Variants in CCDC178 observed in about 807,000 individuals in gnomAD.
CCDC178 encodes the protein coiled-coil domain-containing protein 178.
CCDC178 carries 126 observed loss-of-function variants against 117.4 expected under a neutral mutation model. That is an observed-to-expected ratio of 1.07 (90% CI 0.93 to 1.24). The LOEUF is 1.24. Among genes scored for constraint, CCDC178 ranks in the 50% most tolerant of loss-of-function variants. The pLI is 0.00. For missense variants in CCDC178, 1,030 were observed against 986.9 expected, an observed-to-expected ratio of 1.04 and a Z score of -0.59; for synonymous variants, 283 against 313.4, an observed-to-expected ratio of 0.90 and a Z score of 1.02.
intron 14 of CCDC178, among the ~76,000 whole-genome samples, chr18:33,249,449 G>A (rs1218282308): frequency 6.6e-6 from 1 of 152,038 alleles, no homozygotes; most frequent in African/African-American, 2.4e-5. Flanking sequence ...TTTGTATAAG[G>A]TGTAAGGAAG....
chr18:33,060,559 T>A (rs1567963360), intron 21 of CCDC178, among the ~76,000 whole-genome samples: 1 of 151,696 alleles, frequency 6.6e-6, no homozygotes, highest in Non-Finnish European at 1.5e-5. Context: ...TTTTTTTTAA[T>A]TTTTAGTTTC....
At chr18:33,325,874 A>T (rs1250513419) in intron 10 of CCDC178, among the ~76,000 whole-genome samples, 1 of 152,208 alleles carries the variant, frequency 6.6e-6, no homozygotes, top group Non-Finnish European at 1.5e-5. Context: ...GACAAGTTAA[A>T]GTGTACAATT....
At chr18:33,170,979 T>A (rs116009540) in intron 20 of CCDC178, among the ~76,000 whole-genome samples, 36 of 152,334 alleles carry the variant, frequency 2.4e-4, no homozygotes, top group African/African-American at 8.4e-4. Flanking sequence ...TGCTATAGGT[T>A]ACCTGGAGAA....
Position 33,404,865 on chromosome 18 carries a change from G to A in CCDC178, c.58+7166C>T, listed in dbSNP as rs1314008027. Reference sequence around the variant, plus strand: ...GTTGAAAAGGTGAAAGGCATGCAGAGCCAACTATTTTATAAAATCATTGAT... The same window carrying A: ...GTTGAAAAGGTGAAAGGCATGCAGAACCAACTATTTTATAAAATCATTGAT... On this transcript the variant is annotated intron_variant, in intron 3 of 22. Transcript: ENST00000383096. Among the ~76,000 whole-genome samples the A allele has an allele frequency of 3.3e-5, 5 of 151,474 alleles. No individual in the cohort carries two copies. In the East Asian group the frequency reaches 9.6e-4, roughly 29 times the overall value.
intron 2 of CCDC178, among the ~76,000 whole-genome samples, chr18:33,429,741 C>T (rs757624045): frequency 2.0e-5 from 3 of 152,076 alleles, no homozygotes; most frequent in African/African-American, 4.8e-5. Context: ...ATTCAGATAA[C>T]CATGTTGTAA....
intron 20 of CCDC178, among the ~76,000 whole-genome samples, chr18:33,184,018 A>T (rs1300290016): frequency 6.6e-6 from 1 of 152,054 alleles, no homozygotes; most frequent in Non-Finnish European, 1.5e-5. Flanking sequence ...GCCACCTATT[A>T]ATATGTCTAC....
chr18:33,049,024 C>T (rs12954696), intron 21 of CCDC178, among the ~76,000 whole-genome samples: 1,820 of 152,104 alleles, frequency 0.012, 13 homozygotes, highest in Non-Finnish European at 0.021. Context: ...ACACTGGGTT[C>T]TAATCAACTG....
At chr18:32,983,582 T>A (rs1370524652) in intron 21 of CCDC178, among the ~76,000 whole-genome samples, 1 of 152,056 alleles carries the variant, frequency 6.6e-6, no homozygotes, top group Non-Finnish European at 1.5e-5. Context: ...ATAAAGGCCA[T>A]CTGGAAAAAA....
chr18:33,394,079 G>A (rs1274959247), intron 4 of CCDC178, among the ~76,000 whole-genome samples: 2 of 151,576 alleles, frequency 1.3e-5, no homozygotes, highest in African/African-American at 4.8e-5. Context: ...TAGTTTAATT[G>A]GTAGATTTTT....
In CCDC178 at chr18:32,973,568, G is replaced by GCA. The variant is rs145104858; in HGVS notation, c.2523+977_2523+978dup. 1.0e-3 allele frequency among the ~76,000 whole-genome samples: 150 copies of GCA among 150,436 alleles called. 1 individual carries two copies. Among genetic ancestry groups the GCA allele is most frequent in the Admixed American group, 2.0e-3 (30 of 15,090 alleles). On this transcript the variant is annotated intron_variant, in intron 22 of 22. Transcript: ENST00000383096. ...ACTGTCAAAACAACCCATATATAAA[G>GCA]CACACACACACACACAATCCTCAGA... is the stretch of plus-strand genomic sequence containing the variant.
chr18:32,967,482 T>C (rs2054839132), intron 22 of CCDC178, among the ~76,000 whole-genome samples: 1 of 151,610 alleles, frequency 6.6e-6, no homozygotes, highest in Non-Finnish European at 1.5e-5. Flanking sequence ...CATTTTAAAA[T>C]TGAAATTCTT....
At chr18:32,974,498 T>C in intron 22 of CCDC178, 49 bp downstream of exon 22, 1 of 1,585,090 alleles carries the variant, frequency 6.3e-7, no homozygotes, top group Non-Finnish European at 8.6e-7. Flanking sequence ...ATCATTTGCT[T>C]TTCAATCTAG....
At chr18:33,423,274 T>C (rs553713176) in intron 2 of CCDC178, among the ~76,000 whole-genome samples, 2 of 152,330 alleles carry the variant, frequency 1.3e-5, no homozygotes, top group African/African-American at 4.8e-5. Context: ...AATCCAATGA[T>C]TTCAGTATAT....
chr18:33,374,924 T>C (rs377392728), intron 5 of CCDC178, among the ~76,000 whole-genome samples: 31 of 152,294 alleles, frequency 2.0e-4, no homozygotes, highest in Middle Eastern at 3.4e-3. Context: ...GTGGTAAAAC[T>C]AAAATCATAC....
At chr18:33,123,947 C>T (rs1471361026) in intron 20 of CCDC178, among the ~76,000 whole-genome samples, 1 of 152,080 alleles carries the variant, frequency 6.6e-6, no homozygotes, top group Admixed American at 6.6e-5. Context: ...CTCAACTGTA[C>T]CTGAAGAAAT....
At chr18:32,995,455 T>A (rs960798516) in intron 21 of CCDC178, among the ~76,000 whole-genome samples, 9 of 152,144 alleles carry the variant, frequency 5.9e-5, no homozygotes, top group Non-Finnish European at 1.3e-4. Context: ...AAATAGTATT[T>A]CACCAACTAA....
At chr18:33,286,223 C>T (rs1432821615) in intron 12 of CCDC178, among the ~76,000 whole-genome samples, 6 of 152,106 alleles carry the variant, frequency 3.9e-5, no homozygotes, top group African/African-American at 1.4e-4. Flanking sequence ...GATCCATCTT[C>T]CTTAGCCTCC....
At chr18:33,215,901 A>G (rs1030276299) in intron 18 of CCDC178, among the ~76,000 whole-genome samples, 1 of 151,950 alleles carries the variant, frequency 6.6e-6, no homozygotes, top group Non-Finnish European at 1.5e-5. Context: ...TTCAAGACCA[A>G]CCTGGACAAC....
intron 5 of CCDC178, among the ~76,000 whole-genome samples, chr18:33,380,908 A>T (rs2063432077): frequency 6.6e-6 from 1 of 152,222 alleles, no homozygotes; most frequent in African/African-American, 2.4e-5. Context: ...ATAGTCTTAA[A>T]GGGACCAACT....
Sources: allele counts gnomAD v4.1 joint callset (sites outside exome capture counted in the v4.1 genomes callset), GRCh38; gene constraint gnomAD v4.1.1; transcripts MANE v1.5; gene names NCBI Gene and HGNC (gene_info 2026-07-23, HGNC 2026-07-21).